Variants in FUT8 observed in about 807,000 individuals in gnomAD.
The protein encoded by FUT8 is alpha-(1,6)-fucosyltransferase.
In FUT8, 29 loss-of-function variants were observed where a neutral mutation model predicts 71.3. The observed-to-expected ratio is 0.41, with a 90% CI of 0.30 to 0.55. The LOEUF (loss-of-function observed/expected upper bound fraction) is 0.55, where lower values mean the gene tolerates loss of function less well. Among genes scored for constraint, FUT8 ranks in the 20% least tolerant of loss-of-function variants. The pLI, the probability that FUT8 is intolerant of heterozygous loss-of-function variation, is 0.34. For synonymous variants in FUT8, 254 were observed against 239.3 expected (o/e 1.06, Z -0.57); for missense variants, 544 against 702.1 (o/e 0.77, Z 2.55).
intron 8 of FUT8, among the ~76,000 whole-genome samples, chr14:65,722,627 A>G (rs941416000): frequency 2.6e-5 from 4 of 152,198 alleles, no homozygotes; most frequent in African/African-American, 4.8e-5. Context: ...TTGAAATTCA[A>G]TGGAATCATT....
intron 7 of FUT8, 135 bp from the exon 8 acceptor site, chr14:65,721,640 A>C (rs578206108): frequency 2.2e-6 from 2 of 906,602 alleles, no homozygotes; most frequent in African/African-American, 3.3e-5. Context: ...AAGTTATTTA[A>C]CTTCCTTTGT....
chr14:65,608,491 C>G (rs756297023), intron 3 of FUT8, among the ~76,000 whole-genome samples: 11 of 152,016 alleles, frequency 7.2e-5, no homozygotes, highest in Admixed American at 5.3e-4. Flanking sequence ...ATTCTGATTG[C>G]AAAGCAGTAA....
intron 10 of FUT8, among the ~76,000 whole-genome samples, chr14:65,734,049 C>A (rs1896105050): frequency 1.3e-5 from 2 of 152,148 alleles, no homozygotes; most frequent in African/African-American, 4.8e-5. Context: ...TCTGTTCTCT[C>A]GTTTATGCAC....
chr14:65,426,155 C>T (rs2139408520), intron 1 of FUT8, among the ~76,000 whole-genome samples: 1 of 152,208 alleles, frequency 6.6e-6, no homozygotes, highest in African/African-American at 2.4e-5. Flanking sequence ...CTGTTCTCTG[C>T]TTCTATGAGT....
chr14:65,661,502 A>G (rs1319412576), intron 6 of FUT8, among the ~76,000 whole-genome samples: 2 of 152,188 alleles, frequency 1.3e-5, no homozygotes, highest in Non-Finnish European at 2.9e-5. Context: ...TTTGTTGTTA[A>G]TTTAGCCTTT....
Position 65,669,835 on chromosome 14 carries a change from A to T in FUT8, c.835+355A>T, listed in dbSNP as rs1393608850. On this transcript the variant is annotated intron_variant, in intron 7 of 10. Coordinates refer to ENST00000673929, the MANE Select transcript of FUT8 (RefSeq NM_001371533.1). The surrounding 1 kb of genome is among the most constrained non-coding windows in gnomAD (Gnocchi z 4.5). ...ATCATCATATAAAGTAGTCCAGTTT[A>T]TATGGACTACTATATATGAGTAGCA... Among the ~76,000 whole-genome samples the T allele has an allele frequency of 6.6e-6, 1 of 152,192 alleles. No homozygotes were observed. The highest frequency in any genetic ancestry group is 1.9e-4 in the East Asian group (1 of 5,194).
In FUT8 at chr14:65,474,309, T is replaced by TA. The variant is rs980429999; in HGVS notation, c.-228+18600dup. Among the ~76,000 whole-genome samples the TA allele has an allele frequency of 1.5e-4, 23 of 148,540 alleles. No homozygotes were observed. The South Asian group carries it at 1.9e-3, about 12-fold the overall frequency. ...AAGCTATTGAAATAAAAAAGATATT[T>TA]AAAAAAAAAGAGGCCAGGCAGGTTG... On this transcript the variant is annotated intron_variant, in intron 2 of 10. Coordinates refer to ENST00000673929, the MANE Select transcript of FUT8 (RefSeq NM_001371533.1).
chr14:65,553,778 G>C (rs892128582), intron 2 of FUT8, among the ~76,000 whole-genome samples: 1 of 151,162 alleles, frequency 6.6e-6, no homozygotes, highest in Non-Finnish European at 1.5e-5. Context: ...TTTATTACAT[G>C]TAGTGTGTTC....
At chr14:65,412,021 T>A (rs1256390948), upstream of FUT8, 2 of 456,642 alleles carry the variant, frequency 4.4e-6, no homozygotes, top group South Asian at 3.1e-5. Flanking sequence ...GCAAAGCCTC[T>A]CCCCTCTCCC....
intron 6 of FUT8, among the ~76,000 whole-genome samples, chr14:65,659,836 C>A (rs1002678376): frequency 6.6e-6 from 1 of 151,972 alleles, no homozygotes; most frequent in Non-Finnish European, 1.5e-5. Context: ...GGAAAGAGAC[C>A]GTAATGAATT....
intron 8 of FUT8, among the ~76,000 whole-genome samples, chr14:65,722,910 A>G (rs1007269059): frequency 2.0e-5 from 3 of 152,192 alleles, no homozygotes; most frequent in African/African-American, 7.2e-5. Flanking sequence ...GTATAAGTCT[A>G]CCTTTTTCTA....
At chr14:65,553,257 A>T (rs1443725704) in intron 2 of FUT8, among the ~76,000 whole-genome samples, 6 of 152,192 alleles carry the variant, frequency 3.9e-5, no homozygotes, top group African/African-American at 1.2e-4. Flanking sequence ...ATATGTATAT[A>T]TAAAATTATT....
In FUT8 at chr14:65,616,204, A is replaced by T. The variant is rs1453644647; in HGVS notation, c.320-7A>T. On this transcript the variant is annotated splice_region_variant and splice_polypyrimidine_tract_variant and intron_variant, in intron 4 of 10. Transcript: ENST00000673929. Reference sequence around the variant, plus strand: ...AAATGCTACAACTCTCTATTCTTTGACTACAGGTCTGGGGAAGGATCATGA... The same window carrying T: ...AAATGCTACAACTCTCTATTCTTTGTCTACAGGTCTGGGGAAGGATCATGA... The T allele has an allele frequency of 6.3e-7, 1 of 1,599,170 alleles. No homozygotes were observed. The highest frequency in any genetic ancestry group is 1.4e-5 in the African/African-American group (1 of 73,946).
chr14:65,635,960 T>C (rs1021748926), intron 6 of FUT8, among the ~76,000 whole-genome samples: 1 of 152,300 alleles, frequency 6.6e-6, no homozygotes, highest in East Asian at 1.9e-4. Flanking sequence ...TGAATCCATT[T>C]GGTCCTGGAC....
the FUT8 span, among the ~76,000 whole-genome samples, chr14:65,361,290 A>C: frequency 6.9e-6 from 1 of 145,902 alleles, no homozygotes; most frequent in African/African-American, 2.6e-5. Flanking sequence ...TGGGAGGCGG[A>C]GGTTGTGGTG....
At chr14:65,594,985 G>A (rs749014358) in intron 3 of FUT8, among the ~76,000 whole-genome samples, 2 of 152,100 alleles carry the variant, frequency 1.3e-5, no homozygotes, top group Non-Finnish European at 2.9e-5. Flanking sequence ...GGCACACAGG[G>A]ATGGAAGTTT....
intron 3 of FUT8, 113 bp from the exon 4 acceptor site, chr14:65,615,865 T>C: frequency 1.4e-6 from 1 of 697,894 alleles, no homozygotes; most frequent in Non-Finnish European, 2.4e-6. Flanking sequence ...ACTTTTGTGC[T>C]ATATGGTTCA....
chr14:65,605,580 C>A (rs937713863), intron 3 of FUT8, among the ~76,000 whole-genome samples: 15 of 151,926 alleles, frequency 9.9e-5, no homozygotes, highest in Admixed American at 7.2e-4. Flanking sequence ...CTTCTGCAAC[C>A]CAATGAGTGA....
chr14:65,685,601 A>G (rs1893249476), intron 7 of FUT8, among the ~76,000 whole-genome samples: 1 of 152,230 alleles, frequency 6.6e-6, no homozygotes, highest in South Asian at 2.1e-4. Flanking sequence ...CTCCATACGC[A>G]GAGCAGCCCT....
Sources: allele counts gnomAD v4.1 joint callset (sites outside exome capture counted in the v4.1 genomes callset), GRCh38; gene constraint gnomAD v4.1.1; non-coding constraint Gnocchi (gnomAD v3.1); transcripts MANE v1.5; gene names NCBI Gene and HGNC (gene_info 2026-07-23, HGNC 2026-07-21).